Variants in TMTC1 observed in about 807,000 individuals in gnomAD.
TMTC1 encodes the protein protein O-mannosyl-transferase TMTC1.
Under a neutral mutation model 104.8 loss-of-function variants are expected in TMTC1, and 73 were observed. That is an observed-to-expected ratio of 0.70 (90% CI 0.58 to 0.85). The LOEUF (loss-of-function observed/expected upper bound fraction) is 0.85. TMTC1 is among the 40% of genes least tolerant of loss of function. TMTC1 has a pLI of 0.00. For synonymous variants in TMTC1, 434 were observed against 428.7 expected, an observed-to-expected ratio of 1.01 and a Z score of -0.15; for missense variants, 1,035 against 1,096.1, an observed-to-expected ratio of 0.94 and a Z score of 0.79.
At chr12:29,512,721 C>G (rs1008372407) in intron 16 of TMTC1, among the ~76,000 whole-genome samples, 9 of 152,148 alleles carry the variant, frequency 5.9e-5, no homozygotes, top group African/African-American at 2.2e-4. Flanking sequence ...CCCTCAAGCA[C>G]TTTCTTTGGT....
At chr12:29,742,858 G>A (rs544337266) in intron 5 of TMTC1, among the ~76,000 whole-genome samples, 20 of 152,256 alleles carry the variant, frequency 1.3e-4, no homozygotes, top group African/African-American at 4.6e-4. Flanking sequence ...CTAAAATAGT[G>A]TAAGCTCATA....
chr12:29,661,265 G>T, intron 5 of TMTC1: 1 of 674,118 alleles, frequency 1.5e-6, no homozygotes, highest in Non-Finnish European at 1.8e-6. Flanking sequence ...AAACAATACA[G>T]TTACACTGGT....
chr12:29,701,103 C>G (rs1002507037), intron 5 of TMTC1, among the ~76,000 whole-genome samples: 2 of 151,156 alleles, frequency 1.3e-5, no homozygotes, highest in African/African-American at 4.9e-5. Flanking sequence ...CTTTTGCCAG[C>G]TGTATCTTAG....
At chr12:29,635,725 C>T (rs1938517174) in intron 5 of TMTC1, among the ~76,000 whole-genome samples, 1 of 152,156 alleles carries the variant, frequency 6.6e-6, no homozygotes, top group Non-Finnish European at 1.5e-5. Flanking sequence ...ATCTAATTAT[C>T]AGTTTATAGC....
At chr12:29,634,201 C>T (rs1339026273) in intron 5 of TMTC1, among the ~76,000 whole-genome samples, 1 of 152,102 alleles carries the variant, frequency 6.6e-6, no homozygotes, top group South Asian at 2.1e-4. Context: ...ATGCCCCCAA[C>T]CTCCTTTTTT....
chr12:29,675,737 T>C (rs930887330), intron 5 of TMTC1, among the ~76,000 whole-genome samples: 1 of 152,126 alleles, frequency 6.6e-6, no homozygotes, highest in Non-Finnish European at 1.5e-5. Context: ...TCTGAAAACA[T>C]GAGAACTAGA....
chr12:29,762,366 T>C (rs1260932542), intron 2 of TMTC1, among the ~76,000 whole-genome samples: 1 of 152,214 alleles, frequency 6.6e-6, no homozygotes, highest in Non-Finnish European at 1.5e-5. Flanking sequence ...GTGCACTTCT[T>C]TCTCCCCCTT....
At chr12:29,597,238 CTTTCTTTTTTT>C (rs1565697575) in intron 7 of TMTC1, among the ~76,000 whole-genome samples, 2 of 132,432 alleles carry the variant, frequency 1.5e-5, no homozygotes, top group African/African-American at 5.7e-5. Context: ...TCTTTCTTTT[CTTTCTTTTTTT>C]TTTTTTTTTG....
At chr12:29,581,673 CA>C (rs1945984589) in intron 8 of TMTC1, among the ~76,000 whole-genome samples, 1 of 152,076 alleles carries the variant, frequency 6.6e-6, no homozygotes, top group African/African-American at 2.4e-5. Flanking sequence ...TTAGAAAATA[CA>C]ACCACTGTTA....
intron 1 of TMTC1, among the ~76,000 whole-genome samples, chr12:29,771,570 A>G (rs1376765188): frequency 1.3e-5 from 2 of 152,204 alleles, no homozygotes; most frequent in Non-Finnish European, 2.9e-5. Flanking sequence ...AGTTAACAGC[A>G]TAGTAGGAGC....
intron 5 of TMTC1, among the ~76,000 whole-genome samples, chr12:29,667,703 C>T (rs1378665129): frequency 1.3e-5 from 2 of 152,138 alleles, no homozygotes; most frequent in African/African-American, 4.8e-5. Context: ...TTTTTATTCC[C>T]TCTATGATTA....
At chr12:29,657,045 C>T (rs1021795653) in intron 5 of TMTC1, among the ~76,000 whole-genome samples, 1 of 152,152 alleles carries the variant, frequency 6.6e-6, no homozygotes, top group Non-Finnish European at 1.5e-5. Flanking sequence ...GAGTTGACAG[C>T]AGTATGTTCT....
intron 2 of TMTC1, among the ~76,000 whole-genome samples, chr12:29,762,442 G>A (rs1429476988): frequency 6.6e-6 from 1 of 152,158 alleles, no homozygotes; most frequent in Non-Finnish European, 1.5e-5. Flanking sequence ...TTCCTGTGTG[G>A]CTTATAGAAA....
intron 5 of TMTC1, among the ~76,000 whole-genome samples, chr12:29,699,667 T>C (rs1314579156): frequency 1.4e-5 from 2 of 147,198 alleles, no homozygotes; most frequent in Non-Finnish European, 3.0e-5. Flanking sequence ...TTTTTTTTTT[T>C]TTTTTTTGAC....
chr12:29,622,954 C>A (rs1937752553), intron 6 of TMTC1, among the ~76,000 whole-genome samples: 1 of 152,142 alleles, frequency 6.6e-6, no homozygotes, highest in Non-Finnish European at 1.5e-5. Flanking sequence ...TCTCTAAATT[C>A]ATTGTGTGGT....
intron 5 of TMTC1, among the ~76,000 whole-genome samples, chr12:29,646,674 C>G (rs1390338663): frequency 6.6e-6 from 1 of 152,150 alleles, no homozygotes; most frequent in Non-Finnish European, 1.5e-5. Flanking sequence ...GTTTGGAAAA[C>G]TACGCTCATT....
intron 17 of TMTC1, 76 bp from the exon 18 acceptor site, chr12:29,507,062 A>G: frequency 7.9e-7 from 1 of 1,262,360 alleles, no homozygotes; most frequent in South Asian, 1.2e-5. Flanking sequence ...AGACTAAGAA[A>G]CTGACCCTCT....
At chr12:29,612,894 C>T (rs1252918710) in intron 6 of TMTC1, among the ~76,000 whole-genome samples, 1 of 152,170 alleles carries the variant, frequency 6.6e-6, no homozygotes, top group Non-Finnish European at 1.5e-5. Context: ...AAATCAAATA[C>T]TGTAATGAAA....
chr12:29,519,836 G>T (rs1470048984), intron 12 of TMTC1: 1 of 152,148 alleles, frequency 6.6e-6, no homozygotes, highest in Non-Finnish European at 1.5e-5. Flanking sequence ...TTTCTTAGAT[G>T]TATCAGAATG....
Sources: allele counts gnomAD v4.1 joint callset (sites outside exome capture counted in the v4.1 genomes callset), GRCh38; gene constraint gnomAD v4.1.1; transcripts MANE v1.5; gene names NCBI Gene and HGNC (gene_info 2026-07-23, HGNC 2026-07-21).